The following GCNT1 variants were observed in gnomAD, a reference collection of about 807,000 sequenced individuals.
GCNT1 encodes beta-1,3-galactosyl-O-glycosyl-glycoprotein beta-1,6-N-acetylglucosaminyltransferase.
In GCNT1, 16 loss-of-function variants were observed where a neutral mutation model predicts 26.2. The ratio of observed to expected loss-of-function variants is 0.61; its 90% confidence interval spans 0.41 to 0.93. The LOEUF (loss-of-function observed/expected upper bound fraction) is 0.93. GCNT1 is among the 40% of genes least tolerant of loss of function. The pLI is 0.00. For synonymous variants in GCNT1, 183 were observed against 190.8 expected (o/e 0.96, Z 0.34); for missense variants, 477 against 526.7 (o/e 0.91, Z 0.92).
rs1195453396 is a variant in GCNT1, at chr9:76,502,305, C to T, written c.-77C>T. 10 of 1,012,526 alleles carry T rather than the reference C, an allele frequency of 9.9e-6. No homozygotes were observed. The highest frequency in any genetic ancestry group is 4.8e-5 in the African/African-American group (3 of 62,262). 62.7% of individuals were successfully genotyped at this position (1,012,526 alleles called of 1,614,324 possible). ...TGCAAACTGACAACCTTCAAGGCCA[C>T]GACGGAGGGAAAATCATTGGTGCTT... is the stretch of plus-strand genomic sequence containing the variant. On this transcript the variant is annotated 5_prime_UTR_variant, in exon 4 of 4. In the 5' UTR this introduces an upstream ATG that the reference lacks. Transcript: ENST00000376730.
chr9:76,487,895 C>T (rs1318976767), intron 2 of GCNT1, among the ~76,000 whole-genome samples: 1 of 152,116 alleles, frequency 6.6e-6, no homozygotes, highest in Non-Finnish European at 1.5e-5. Context: ...CCACCACACG[C>T]AGATAATTTC....
At chr9:76,474,793 G>A (rs1824218030) in intron 2 of GCNT1, among the ~76,000 whole-genome samples, 1 of 152,242 alleles carries the variant, frequency 6.6e-6, no homozygotes, top group Admixed American at 6.5e-5. Flanking sequence ...GAAAATTACT[G>A]AAGTGAACAT....
intron 1 of GCNT1, among the ~76,000 whole-genome samples, chr9:76,426,339 A>G (rs1239044505): frequency 6.6e-6 from 1 of 152,140 alleles, no homozygotes; most frequent in African/African-American, 2.4e-5. Flanking sequence ...AGGCCAATGT[A>G]GGAGGACTGC....
upstream of GCNT1, among the ~76,000 whole-genome samples, chr9:76,455,850 A>G (rs1180574461): frequency 6.6e-6 from 1 of 152,168 alleles, no homozygotes; most frequent in Non-Finnish European, 1.5e-5. Context: ...TGATCTGCCC[A>G]CCTCGGCCTC....
the GCNT1 span, among the ~76,000 whole-genome samples, chr9:76,413,669 T>TTTG: frequency 2.2e-5 from 2 of 89,540 alleles, no homozygotes; most frequent in South Asian, 3.5e-4. Flanking sequence ...TTTTTTTTTG[T>TTTG]TTTTTTTTTT....
intron 1 of GCNT1, among the ~76,000 whole-genome samples, chr9:76,427,402 A>G (rs1823272059): frequency 6.6e-6 from 1 of 151,744 alleles, no homozygotes; most frequent in Non-Finnish European, 1.5e-5. Flanking sequence ...CTGGTCTCAA[A>G]CTCCTGGGCT....
upstream of GCNT1, among the ~76,000 whole-genome samples, chr9:76,417,508 T>C (rs2131567615): frequency 6.6e-6 from 1 of 152,332 alleles, no homozygotes; most frequent in African/African-American, 2.4e-5. Flanking sequence ...GTAAATGTTT[T>C]TACGTCAACT....
At chr9:76,402,683 A>ATT in the GCNT1 span, among the ~76,000 whole-genome samples, 49,818 of 147,300 alleles carry the variant, frequency 0.34, 9,396 homozygotes, top group Non-Finnish European at 0.44. Context: ...TATTTGGCTG[A>ATT]TTTTTTTTTT....
At chr9:76,436,413 G>C (rs996993731) in intron 1 of GCNT1, among the ~76,000 whole-genome samples, 6 of 151,544 alleles carry the variant, frequency 4.0e-5, no homozygotes, top group African/African-American at 1.5e-4. Flanking sequence ...CATGGTGAAA[G>C]CCCATCTCTG....
At chr9:76,434,090 A>G (rs911131507) in intron 1 of GCNT1, among the ~76,000 whole-genome samples, 1 of 152,186 alleles carries the variant, frequency 6.6e-6, no homozygotes, top group African/African-American at 2.4e-5. Flanking sequence ...CAAGGCTTAT[A>G]GTGTTTGGGG....
Position 76,502,543 on chromosome 9 carries a change from T to C in GCNT1, c.162T>C (p.Ser54=). The change falls in exon 4 of 4, where the codon AGT becomes AGC. Residue 54 remains serine (S), a synonymous_variant. Coordinates refer to ENST00000376730, the MANE Select transcript of GCNT1 (RefSeq NM_001490.5). Reference sequence around the variant, plus strand: ...TGGAGCTTGCTGGGGAGAATCCTAGTAGTGATATTAATTGCACCAAAGTTT... The same window carrying C: ...TGGAGCTTGCTGGGGAGAATCCTAGCAGTGATATTAATTGCACCAAAGTTT... ...RHLELAGENP[S]SDINCTKVLQ... is the part of the protein sequence containing the mutation. 3 of 1,614,108 alleles carry C rather than the reference T, an allele frequency of 1.9e-6. No individual in the cohort carries two copies. Among genetic ancestry groups the C allele is most frequent in the Non-Finnish European group, 2.5e-6 (3 of 1,179,954 alleles).
intron 1 of GCNT1, among the ~76,000 whole-genome samples, chr9:76,451,924 ACTTTT>A (rs1160866977): frequency 2.1e-4 from 31 of 146,742 alleles, no homozygotes; most frequent in Non-Finnish European, 3.6e-4. Flanking sequence ...TTATAGTACA[ACTTTT>A]CTTTTCTTTT....
At chr9:76,473,607 A>C (rs10119532) in intron 2 of GCNT1, among the ~76,000 whole-genome samples, 48,931 of 152,054 alleles carry the variant, frequency 0.32, 8,850 homozygotes, top group African/African-American at 0.48. Context: ...TATATATGAT[A>C]ATTTCCCCAA....
chr9:76,394,260 C>T, the GCNT1 span: 2 of 1,369,716 alleles, frequency 1.5e-6, no homozygotes, highest in Non-Finnish European at 1.0e-6. Flanking sequence ...CCGGACCAGC[C>T]GGGGGACAGG....
chr9:76,443,930 A>AAAGGAAGAAAGGAAGAAAGG (rs1823525653), intron 1 of GCNT1, among the ~76,000 whole-genome samples: 7 of 78,016 alleles, frequency 9.0e-5, no homozygotes, highest in Non-Finnish European at 1.4e-4. Flanking sequence ...AGAAAGGAAG[A>AAAGGAAGAAAGGAAGAAAGG]AAGGAAGGAA....
At chr9:76,396,350 G>A in the GCNT1 span, among the ~76,000 whole-genome samples, 19 of 152,194 alleles carry the variant, frequency 1.2e-4, no homozygotes, top group Non-Finnish European at 2.9e-5. Flanking sequence ...AGCACTCTGG[G>A]AGACCGAGGT....
At chr9:76,394,189 G>A in the GCNT1 span, 8 of 1,581,854 alleles carry the variant, frequency 5.1e-6, no homozygotes, top group Non-Finnish European at 6.9e-6. Context: ...TCCGCTCGGG[G>A]AATGGGCTGC....
intron 2 of GCNT1, among the ~76,000 whole-genome samples, chr9:76,479,061 A>G (rs1365767780): frequency 6.6e-6 from 1 of 150,886 alleles, no homozygotes; most frequent in Admixed American, 6.6e-5. Flanking sequence ...CCTGTGTCCA[A>G]GTGTTCTCAT....
Position 76,503,781 on chromosome 9 carries a change from G to T in GCNT1, c.*113G>T. The T allele has an allele frequency of 1.3e-6, 1 of 784,104 alleles. No homozygotes were observed. The highest frequency in any genetic ancestry group is 2.2e-6 in the Non-Finnish European group (1 of 459,180). The allele number at this position is 784,104 out of a possible 1,614,324, so 48.6% of individuals were successfully genotyped here. A position where few individuals can be genotyped will look rare whatever the true frequency, so the allele number is the denominator to read the frequency against. On this transcript the variant is annotated 3_prime_UTR_variant, in exon 4 of 4. Transcript: ENST00000376730. ...GGTATGAAGTCCTCTTTGGGGCAGG[G>T]ACTCTAGTAGATCTTCTTGTCAGAG...
Sources: gnomAD v4.1 joint callset for allele counts (sites outside exome capture counted in the v4.1 genomes callset) on GRCh38, gnomAD v4.1.1 for gene constraint, MANE v1.5 for transcripts, NCBI Gene and HGNC (gene_info 2026-07-23, HGNC 2026-07-21) for gene names.